The following FGF14 variants were observed in gnomAD, a reference collection of about 807,000 sequenced individuals.
FGF14 encodes the protein fibroblast growth factor 14, also known as fibroblast growth factor homologous factor 4.
Under a neutral mutation model 25.5 loss-of-function variants are expected in FGF14, and 5 were observed. The observed-to-expected ratio is 0.20, with a 90% CI of 0.10 to 0.41. The LOEUF is 0.41. FGF14 is among the 10% of genes least tolerant of loss of function. FGF14 has a pLI of 1.00. For missense variants in FGF14, 222 were observed against 320.1 expected (o/e 0.69, Z 2.34); for synonymous variants, 138 against 118.3 (o/e 1.17, Z -1.08).
intron 1 of FGF14, among the ~76,000 whole-genome samples, chr13:102,138,631 G>T (rs1334303547): frequency 6.6e-6 from 1 of 150,622 alleles, no homozygotes; most frequent in African/African-American, 2.5e-5. Flanking sequence ...GTGTGGTGAG[G>T]TGTCAGTCCA....
At chr13:102,063,683 T>C (rs368158608) in intron 1 of FGF14, among the ~76,000 whole-genome samples, 21 of 152,104 alleles carry the variant, frequency 1.4e-4, no homozygotes, top group African/African-American at 4.6e-4. Flanking sequence ...AAAAAGAATG[T>C]CTTTTATGAC....
intron 1 of FGF14, chr13:102,395,510 G>A (rs1298988687): frequency 6.6e-6 from 1 of 152,174 alleles, no homozygotes; most frequent in East Asian, 1.9e-4. Context: ...GCACCCTATC[G>A]TGGCGGATAA....
At chr13:102,138,196 A>G (rs983003900) in intron 1 of FGF14, among the ~76,000 whole-genome samples, 1 of 105,884 alleles carries the variant, frequency 9.4e-6, no homozygotes, top group African/African-American at 3.6e-5. Context: ...TGGCCCTAAG[A>G]CAATAACACA....
At chr13:102,322,184 C>A (rs1290211925) in intron 1 of FGF14, among the ~76,000 whole-genome samples, 1 of 152,186 alleles carries the variant, frequency 6.6e-6, no homozygotes, top group East Asian at 1.9e-4. Flanking sequence ...AAATGTCATG[C>A]TAAGATGTAC....
At chr13:102,160,857 C>T (rs1231287138) in intron 1 of FGF14, among the ~76,000 whole-genome samples, 1 of 152,108 alleles carries the variant, frequency 6.6e-6, no homozygotes, top group Non-Finnish European at 1.5e-5. Flanking sequence ...ATGAATGAAG[C>T]TCCTCATCCA....
intron 1 of FGF14, among the ~76,000 whole-genome samples, chr13:102,057,624 T>G (rs1314300223): frequency 6.6e-6 from 1 of 152,166 alleles, no homozygotes; most frequent in Non-Finnish European, 1.5e-5. Flanking sequence ...CAATAAATAT[T>G]TGTTGAGTAA....
chr13:101,848,623 T>C (rs553932308), intron 3 of FGF14, among the ~76,000 whole-genome samples: 3 of 152,058 alleles, frequency 2.0e-5, no homozygotes, highest in Admixed American at 2.0e-4. Flanking sequence ...AGAGAGACTA[T>C]AACCATGAAA....
At chr13:102,263,223 A>C (rs1311867562) in intron 1 of FGF14, 1 of 496,100 alleles carries the variant, frequency 2.0e-6, no homozygotes, top group African/African-American at 2.0e-5. Context: ...AGCGCAGTCA[A>C]GCACACACCA....
chr13:101,822,345 C>T (rs2042193906), intron 3 of FGF14, among the ~76,000 whole-genome samples: 1 of 152,058 alleles, frequency 6.6e-6, no homozygotes, highest in South Asian at 2.1e-4. Flanking sequence ...ATTAAATTTT[C>T]CTATACTTGT....
chr13:102,058,970 T>C (rs950235243), intron 1 of FGF14, among the ~76,000 whole-genome samples: 3 of 151,916 alleles, frequency 2.0e-5, no homozygotes, highest in African/African-American at 4.8e-5. Flanking sequence ...AATAGAGATT[T>C]ATGAAAAAAG....
rs1051809024 is a variant in FGF14 at position 102,356,461 on chromosome 13, G to T, written c.208+45010C>A. On this transcript the variant is annotated intron_variant, in intron 1 of 4. Transcript: ENST00000376131. ...CCTACCTCTTGCCTGACAAAACATA[G>T]TGAAGGTTCATATGTCAGTCAACCA... Among the ~76,000 whole-genome samples the T allele has an allele frequency of 3.3e-5, 5 of 152,320 alleles. No homozygotes were observed. The South Asian group carries it at 6.2e-4, about 19-fold the overall frequency.
At chr13:102,256,045 C>G (rs2052420271) in intron 1 of FGF14, among the ~76,000 whole-genome samples, 1 of 152,042 alleles carries the variant, frequency 6.6e-6, no homozygotes, top group Middle Eastern at 3.2e-3. Flanking sequence ...TACCCAAGAC[C>G]ACTCAGTTTC....
At chr13:102,026,451 A>C (rs1347041979) in intron 1 of FGF14, among the ~76,000 whole-genome samples, 1 of 151,926 alleles carries the variant, frequency 6.6e-6, no homozygotes, top group East Asian at 1.9e-4. Flanking sequence ...CTTCATTGAA[A>C]GAATTGGGAA....
At chr13:101,832,803 G>C (rs1234083761) in intron 3 of FGF14, among the ~76,000 whole-genome samples, 2 of 152,164 alleles carry the variant, frequency 1.3e-5, no homozygotes, top group East Asian at 1.9e-4. Context: ...CTCGAGAAAG[G>C]TTTTAGGAGT....
intron 1 of FGF14, among the ~76,000 whole-genome samples, chr13:102,331,483 G>A (rs765722071): frequency 6.6e-6 from 1 of 152,048 alleles, no homozygotes; most frequent in Non-Finnish European, 1.5e-5. Context: ...TAATGTGTGG[G>A]TGCACATACC....
At chr13:101,763,012 C>T (rs79942660) in intron 3 of FGF14, among the ~76,000 whole-genome samples, 1,693 of 152,240 alleles carry the variant, frequency 0.011, 34 homozygotes, top group African/African-American at 0.038. Flanking sequence ...GGTCAGACGC[C>T]ATCTTTCAGA....
At chr13:102,262,431 TTA>T (rs2052764698) in intron 1 of FGF14, among the ~76,000 whole-genome samples, 1 of 152,050 alleles carries the variant, frequency 6.6e-6, no homozygotes. Context: ...GTGAGGAACT[TTA>T]TAAAGAAAAA....
At chr13:102,181,862 A>G (rs1397952800) in intron 1 of FGF14, among the ~76,000 whole-genome samples, 3 of 152,120 alleles carry the variant, frequency 2.0e-5, no homozygotes, top group Admixed American at 6.6e-5. Flanking sequence ...GTCTTTGGAG[A>G]CCATTATTCT....
rs368684560 is a variant in FGF14 at position 101,811,038 on chromosome 13, C to G, written c.408+57687G>C. 7.5e-4 allele frequency among the ~76,000 whole-genome samples: 102 copies of G among 135,116 alleles called. 4 individuals carry two copies. The highest frequency in any genetic ancestry group is 2.3e-3 in the African/African-American group (86 of 38,002). 88.6% of individuals were successfully genotyped at this position (135,116 alleles called of 152,430 possible). A position where few individuals can be genotyped will look rare whatever the true frequency, so the allele number is the denominator to read the frequency against. On this transcript the variant is annotated intron_variant, in intron 3 of 4. Coordinates refer to ENST00000376143, the MANE Select transcript of FGF14 (RefSeq NM_004115.4). ...CTCCAAAACACACATATCCGCCCCC[C>G]CCGGCCCCCGCATTATCGACATTCC... is the stretch of plus-strand genomic sequence containing the variant.
Sources: gnomAD v4.1 joint callset for allele counts (sites outside exome capture counted in the v4.1 genomes callset) on GRCh38, gnomAD v4.1.1 for gene constraint, MANE v1.5 for transcripts, NCBI Gene and HGNC (gene_info 2026-07-23, HGNC 2026-07-21) for gene names.